The following PRMT2 variants were observed in gnomAD, a reference collection of about 807,000 sequenced individuals.
The protein encoded by PRMT2 is protein arginine methyltransferase 2.
In PRMT2, 26 loss-of-function variants were observed where a neutral mutation model predicts 57.6. That is an observed-to-expected ratio of 0.45 (90% confidence interval 0.33 to 0.63). PRMT2 has a LOEUF of 0.63. Among genes scored for constraint, PRMT2 ranks in the 20% least tolerant of loss-of-function variants. PRMT2 has a pLI of 0.02. For synonymous variants in PRMT2, 219 were observed against 220.0 expected (o/e 1.00, Z 0.04); for missense variants, 472 against 564.4 (o/e 0.84, Z 1.66).
chr21:46,644,568 C>G (rs1431632640), intron 5 of PRMT2, 80 bp downstream of exon 5: 2 of 1,404,294 alleles, frequency 1.4e-6, no homozygotes, highest in Non-Finnish European at 1.9e-6. Context: ...ACGTTCAGAG[C>G]AGGCCCATAG....
At chr21:46,652,190 A>G (rs973282524) in intron 7 of PRMT2, 3 of 1,399,858 alleles carry the variant, frequency 2.1e-6, no homozygotes, top group African/African-American at 2.9e-5. Flanking sequence ...GATGGGCTCA[A>G]GAGTTAAATA....
chr21:46,654,785 T>C (rs2061517669), intron 7 of PRMT2: 1 of 507,302 alleles, frequency 2.0e-6, no homozygotes, highest in Non-Finnish European at 2.5e-6. Context: ...CACGTTATTT[T>C]ATATGGGGGA....
chr21:46,636,318 A>T (rs1213310628), intron 1 of PRMT2, 121 bp from the exon 2 acceptor site: 1 of 152,366 alleles, frequency 6.6e-6, no homozygotes, highest in Non-Finnish European at 1.5e-5. Context: ...TAATTATGCA[A>T]ATCAGTAAGC....
At chr21:46,652,985 G>A (rs2061484566) in intron 7 of PRMT2, 1 of 1,230,094 alleles carries the variant, frequency 8.1e-7, no homozygotes, top group Non-Finnish European at 1.0e-6. Context: ...GCTTTGCAAG[G>A]TCACTGAGGA....
At chr21:46,651,804 A>T in intron 7 of PRMT2, 13 of 1,612,978 alleles carry the variant, frequency 8.1e-6, no homozygotes, top group Non-Finnish European at 1.1e-5. Flanking sequence ...TTCCGTCCCC[A>T]GGCTGCGCCT....
In PRMT2 at chr21:46,665,045, A is replaced by G. The variant is rs376223807; in HGVS notation, c.*718A>G. On this transcript the variant is annotated 3_prime_UTR_variant, in exon 12 of 12. Coordinates refer to ENST00000355680, the MANE Select transcript of PRMT2 (RefSeq NM_206962.4). The stretch of plus-strand genomic sequence containing the variant: ...TATAAGTTTTTCTCAATATTGTGAA[A>G]AAACTTCCACATCAGTAGATACATG... The G allele has an allele frequency of 7.2e-5, 11 of 152,224 alleles. No homozygotes were observed. Among genetic ancestry groups the G allele is most frequent in the Non-Finnish European group, 1.5e-5 (1 of 68,042 alleles). 9.4% of individuals were successfully genotyped at this position (152,224 alleles called of 1,614,324 possible).
At chr21:46,643,749 C>A in intron 4 of PRMT2, 110 bp downstream of exon 4, 1 of 1,298,868 alleles carries the variant, frequency 7.7e-7, no homozygotes, top group East Asian at 2.7e-5. Context: ...TATTCAGATG[C>A]GTAGGGCCAC....
intron 8 of PRMT2, chr21:46,659,897 G>A: frequency 1.0e-6 from 1 of 985,454 alleles, no homozygotes; most frequent in Non-Finnish European, 1.2e-6. Flanking sequence ...GGGTTTAAGA[G>A]ACAGTAAAGC....
intron 5 of PRMT2, among the ~76,000 whole-genome samples, chr21:46,647,932 C>T (rs1410195744): frequency 6.6e-6 from 1 of 152,034 alleles, no homozygotes; most frequent in Non-Finnish European, 1.5e-5. Context: ...CATCACTGCA[C>T]CTTTGTAGGA....
intron 3 of PRMT2, among the ~76,000 whole-genome samples, chr21:46,639,309 T>A (rs1372514816): frequency 6.6e-6 from 1 of 152,194 alleles, no homozygotes; most frequent in Non-Finnish European, 1.5e-5. Context: ...TTGCAAAGAC[T>A]ATGTATTCTG....
chr21:46,659,826 G>A (rs949994311), intron 8 of PRMT2: 2 of 985,354 alleles, frequency 2.0e-6, no homozygotes, highest in Non-Finnish European at 2.4e-6. Flanking sequence ...GTGGAGCACT[G>A]CTGTGTGTCT....
In PRMT2 at chr21:46,641,045, G is replaced by A. The variant is rs117948863; in HGVS notation, c.40-2490G>A. Among the ~76,000 whole-genome samples, 127 of 146,572 alleles carry A rather than the reference G, an allele frequency of 8.7e-4. No homozygotes were observed. The East Asian group carries it at 0.019, about 22-fold the overall frequency. ...AGGCTGAGGTAGGAGGATTGCTTTA[G>A]CTTGGGAGGTGGAGGTTGCCATGAG... On this transcript the variant is annotated intron_variant, in intron 3 of 11. Coordinates refer to ENST00000355680, the MANE Select transcript of PRMT2 (RefSeq NM_206962.4).
intron 8 of PRMT2, chr21:46,659,294 G>C: frequency 9.9e-7 from 1 of 1,015,186 alleles, no homozygotes; most frequent in Non-Finnish European, 1.2e-6. Flanking sequence ...GACATCCATG[G>C]GGGCCTGTGT....
intron 7 of PRMT2, chr21:46,658,011 A>G (rs960176488): frequency 1.3e-5 from 2 of 152,210 alleles, no homozygotes; most frequent in African/African-American, 4.8e-5. Context: ...GCAGCTTGAG[A>G]TTATTTAAGG....
At chr21:46,661,054 G>C (rs2095221776) in intron 9 of PRMT2, 92 bp downstream of exon 9, 1 of 1,292,984 alleles carries the variant, frequency 7.7e-7, no homozygotes. Context: ...CCTTCAGTGA[G>C]TGCTGGGGGT....
At position 46,664,543 on chromosome 21, in the gene PRMT2, G is replaced by C. The variant is rs1261241059; in HGVS notation, c.*216G>C. The C allele has an allele frequency of 3.2e-6, 2 of 619,772 alleles. No homozygotes were observed. Among genetic ancestry groups the C allele is most frequent in the Non-Finnish European group, 5.8e-6 (2 of 346,468 alleles). 38.4% of individuals were successfully genotyped at this position (619,772 alleles called of 1,614,324 possible). The stretch of plus-strand genomic sequence containing the variant: ...CTGCCGTGGCCACCCCCGCTGCCCA[G>C]TGTCTGCCCTCTAGAAGTAGGCTGT... On this transcript the variant is annotated 3_prime_UTR_variant, in exon 12 of 12. Coordinates refer to ENST00000355680, the MANE Select transcript of PRMT2 (RefSeq NM_206962.4).
rs1483891957 is a variant in PRMT2 at position 46,644,400 on chromosome 21, C to T, written c.239C>T (p.Pro80Leu). ...GERAGCCGYIPANHVGKHVDE... is the reference protein window; with the variant it reads ...GERAGCCGYILANHVGKHVDE... The stretch of plus-strand genomic sequence containing the variant: ...CGTGCGGGCTGCTGTGGGTACATTC[C>T]GGCAAACCATGTGGGGAAGCACGTG... Residue 80 changes from proline (P) to leucine (L), a missense_variant, in exon 5 of 12, where the codon CCG becomes CTG. Around this residue, in one of 2 missense-constraint regions of PRMT2, gnomAD observed 243 missense variants for 347.2 expected, o/e 0.70. Coordinates refer to ENST00000355680, the MANE Select transcript of PRMT2 (RefSeq NM_206962.4). The T allele has an allele frequency of 3.7e-6, 6 of 1,612,080 alleles. No individual in the cohort carries two copies. The highest frequency in any genetic ancestry group is 4.2e-6 in the Non-Finnish European group (5 of 1,179,162).
chr21:46,648,731 ACTCCATGGT>A lies in PRMT2; in HGVS notation c.489+115_489+123del. On this transcript the variant is annotated intron_variant, in intron 6 of 11. Coordinates refer to ENST00000355680, the MANE Select transcript of PRMT2 (RefSeq NM_206962.4). The surrounding 1 kb of genome is among the most constrained non-coding windows in gnomAD (Gnocchi z 4.8). ...CTGAGCTGTTGGGGGCTCACCGGTG[ACTCCATGGT>A]CTTGTTGAGCACCCTGCACGTGGGG... is the stretch of plus-strand genomic sequence containing the variant. 2.2e-6 allele frequency: 3 copies of A among 1,372,700 alleles called. No homozygotes were observed. Among genetic ancestry groups the A allele is most frequent in the Non-Finnish European group, 3.0e-6 (3 of 994,896 alleles). 85.0% of individuals were successfully genotyped at this position (1,372,700 alleles called of 1,614,324 possible).
chr21:46,652,603 G>A (rs2061477108), intron 7 of PRMT2: 3 of 985,302 alleles, frequency 3.0e-6, no homozygotes, highest in African/African-American at 3.5e-5. Flanking sequence ...TGCTGAGGTT[G>A]TGGGGAAGTG....
Sources: allele counts gnomAD v4.1 joint callset (sites outside exome capture counted in the v4.1 genomes callset), GRCh38; gene constraint gnomAD v4.1.1; regional missense constraint gnomAD v4.1.1; non-coding constraint Gnocchi (gnomAD v3.1); transcripts MANE v1.5; gene names NCBI Gene and HGNC (gene_info 2026-07-23, HGNC 2026-07-21).